Variants in DPYD observed in about 807,000 individuals in gnomAD.
DPYD encodes the protein dihydropyrimidine dehydrogenase.
Under a neutral mutation model 116.2 loss-of-function variants are expected in DPYD, and 109 were observed. That is an observed-to-expected ratio of 0.94 (90% CI 0.80 to 1.10). The LOEUF (loss-of-function observed/expected upper bound fraction) is 1.10. Among genes scored for constraint, DPYD ranks in the 50% least tolerant of loss-of-function variants. DPYD has a pLI of 0.00. For missense variants in DPYD, 1,302 were observed against 1,254.5 expected, an observed-to-expected ratio of 1.04 and a Z score of -0.57; for synonymous variants, 440 against 432.0, an observed-to-expected ratio of 1.02 and a Z score of -0.23.
intron 20 of DPYD, among the ~76,000 whole-genome samples, chr1:97,184,962 G>A (rs1269607998): frequency 6.6e-6 from 1 of 152,018 alleles, no homozygotes; most frequent in South Asian, 2.1e-4. Context: ...CCCAGCTCTT[G>A]ATCTTAAGAG....
chr1:97,291,181 G>T (rs1666134545), intron 18 of DPYD, among the ~76,000 whole-genome samples: 1 of 151,800 alleles, frequency 6.6e-6, no homozygotes, highest in African/African-American at 2.4e-5. Context: ...AAAAAGTCAG[G>T]AAACAACAGG....
At chr1:97,499,609 A>C (rs1420165723) in intron 13 of DPYD, among the ~76,000 whole-genome samples, 3 of 151,912 alleles carry the variant, frequency 2.0e-5, no homozygotes, top group African/African-American at 7.2e-5. Flanking sequence ...AATCACATAC[A>C]GACTTACTTA....
intron 7 of DPYD, among the ~76,000 whole-genome samples, chr1:97,681,160 C>G (rs1003527533): frequency 2.0e-5 from 3 of 152,104 alleles, no homozygotes; most frequent in Non-Finnish European, 4.4e-5. Context: ...GATAATGATA[C>G]TAAAGGACAA....
intron 1 of DPYD, among the ~76,000 whole-genome samples, chr1:97,920,680 A>G (rs1373787307): frequency 6.6e-6 from 1 of 152,212 alleles, no homozygotes. Context: ...CCAGTAGCGG[A>G]AAGTCCTCCC....
chr1:97,743,716 C>T (rs1375470274), intron 3 of DPYD, among the ~76,000 whole-genome samples: 1 of 152,058 alleles, frequency 6.6e-6, no homozygotes, highest in Non-Finnish European at 1.5e-5. Context: ...ATCACAGACA[C>T]AGTACTTAGG....
In DPYD at chr1:97,439,992, T is replaced by G. The variant is rs1162842423; in HGVS notation, c.1905+10067A>C. On this transcript the variant is annotated intron_variant, in intron 14 of 22. Transcript: ENST00000370192. ...CCAAGGGTTATTTAGAAGTCTATTT[T>G]CGGCCGGGCGCGGTGGCTCACGCCT... Among the ~76,000 whole-genome samples, 3 of 152,122 alleles carry G rather than the reference T, an allele frequency of 2.0e-5. No homozygotes were observed. In the East Asian group the frequency reaches 5.8e-4, roughly 29 times the overall value.
chr1:97,803,667 T>C (rs768693570), intron 3 of DPYD, among the ~76,000 whole-genome samples: 4 of 151,892 alleles, frequency 2.6e-5, no homozygotes, highest in Non-Finnish European at 5.9e-5. Context: ...ATTAAAAGAC[T>C]ACAAAGTTCC....
intron 1 of DPYD, among the ~76,000 whole-genome samples, chr1:97,903,496 A>G (rs1673463546): frequency 1.3e-5 from 2 of 151,908 alleles, no homozygotes; most frequent in South Asian, 4.1e-4. Context: ...TGAAATGGTC[A>G]AAACATGTTG....
chr1:97,264,348 T>G (rs1319307477), intron 18 of DPYD, among the ~76,000 whole-genome samples: 1 of 151,438 alleles, frequency 6.6e-6, no homozygotes, highest in African/African-American at 2.4e-5. Context: ...TGTTTTATGT[T>G]TTTTGTTTCT....
At chr1:97,512,166 T>C (rs1222483162) in intron 13 of DPYD, among the ~76,000 whole-genome samples, 3 of 151,932 alleles carry the variant, frequency 2.0e-5, no homozygotes, top group Admixed American at 6.6e-5. Flanking sequence ...GCCTCTCCTA[T>C]ACATTAAGCT....
At chr1:97,136,052 A>G (rs1653768561) in intron 20 of DPYD, among the ~76,000 whole-genome samples, 1 of 152,188 alleles carries the variant, frequency 6.6e-6, no homozygotes, top group African/African-American at 2.4e-5. Flanking sequence ...CATTCCCAGA[A>G]GTAGCGAGCT....
intron 5 of DPYD, among the ~76,000 whole-genome samples, chr1:97,707,340 T>C (rs1172125726): frequency 6.6e-6 from 1 of 152,010 alleles, no homozygotes; most frequent in African/African-American, 2.4e-5. Context: ...ATGTGCACAT[T>C]GTGCAGGTCA....
chr1:97,147,721 C>G (rs1190392512), intron 20 of DPYD, among the ~76,000 whole-genome samples: 1 of 152,172 alleles, frequency 6.6e-6, no homozygotes, highest in Non-Finnish European at 1.5e-5. Flanking sequence ...AAAATCTTCT[C>G]AATGTCCTCT....
chr1:97,906,448 A>T (rs1673625232), intron 1 of DPYD, among the ~76,000 whole-genome samples: 1 of 152,064 alleles, frequency 6.6e-6, no homozygotes, highest in African/African-American at 2.4e-5. Flanking sequence ...GCACATTTAG[A>T]GGAGATGCAT....
Position 97,515,951 on chromosome 1 carries a change from A to G in DPYD, c.1525-10T>C. On this transcript the variant is annotated splice_polypyrimidine_tract_variant and intron_variant, in intron 12 of 22. Transcript: ENST00000370192. ...AAGCTCCATATTGTGACTGCAAAAT[A>G]CAAACCAATACTTGGTTTCATATTA... The G allele has an allele frequency of 6.2e-7, 1 of 1,610,514 alleles. No homozygotes were observed. Among genetic ancestry groups the G allele is most frequent in the South Asian group, 1.1e-5 (1 of 90,972 alleles).
intron 19 of DPYD, among the ~76,000 whole-genome samples, chr1:97,210,471 T>C (rs1659962362): frequency 6.6e-6 from 1 of 152,150 alleles, no homozygotes; most frequent in Non-Finnish European, 1.5e-5. Flanking sequence ...AAACATTCAT[T>C]GGTCGAGACT....
At chr1:97,241,512 C>T (rs566039577) in intron 18 of DPYD, among the ~76,000 whole-genome samples, 14 of 152,022 alleles carry the variant, frequency 9.2e-5, no homozygotes, top group East Asian at 1.9e-4. Flanking sequence ...AAAGTCTCTG[C>T]GACATGAAAG....
intron 2 of DPYD, among the ~76,000 whole-genome samples, chr1:97,880,390 T>A (rs1672147745): frequency 6.6e-6 from 1 of 151,856 alleles, no homozygotes; most frequent in African/African-American, 2.4e-5. Flanking sequence ...ACAAACCATA[T>A]GTTTTGGTGA....
intron 8 of DPYD, among the ~76,000 whole-genome samples, chr1:97,670,203 A>G (rs751288151): frequency 2.6e-4 from 39 of 152,146 alleles, no homozygotes; most frequent in Non-Finnish European, 4.0e-4. Context: ...TTATCCTTCA[A>G]CATCAATATT....
Sources: gnomAD v4.1 joint callset for allele counts (sites outside exome capture counted in the v4.1 genomes callset) on GRCh38, gnomAD v4.1.1 for gene constraint, MANE v1.5 for transcripts, NCBI Gene and HGNC (gene_info 2026-07-23, HGNC 2026-07-21) for gene names.